Variants in LDB2 observed in about 807,000 individuals in gnomAD.
LDB2 encodes the protein LIM domain binding 2.
LDB2 carries 12 observed loss-of-function variants against 44.3 expected under a neutral mutation model. The observed-to-expected ratio is 0.27, with a 90% confidence interval of 0.17 to 0.44. LDB2 has a LOEUF of 0.44. Among genes scored for constraint, LDB2 ranks in the 20% least tolerant of loss-of-function variants. LDB2 has a pLI of 1.00. For synonymous variants in LDB2, 164 were observed against 174.8 expected (o/e 0.94, Z 0.49); for missense variants, 344 against 473.5 (o/e 0.73, Z 2.54).
At chr4:16,659,679 A>AGCG (rs1740974573) in intron 2 of LDB2, among the ~76,000 whole-genome samples, 1 of 146,716 alleles carries the variant, frequency 6.8e-6, no homozygotes, top group Admixed American at 6.7e-5. Context: ...GTGTATATAT[A>AGCG]TATATATATA....
chr4:16,603,259 C>T (rs146591141), intron 2 of LDB2, among the ~76,000 whole-genome samples: 2,208 of 152,280 alleles, frequency 0.014, 30 homozygotes, highest in South Asian at 0.046. Context: ...CCTTTAATGA[C>T]TTCCATAATA....
At chr4:16,754,248 G>A (rs1190891174) in intron 2 of LDB2, among the ~76,000 whole-genome samples, 1 of 152,154 alleles carries the variant, frequency 6.6e-6, no homozygotes, top group Non-Finnish European at 1.5e-5. Context: ...GTTGGGAGCA[G>A]AGCCTAATCT....
At chr4:16,745,691 G>C (rs1254869839) in intron 2 of LDB2, among the ~76,000 whole-genome samples, 1 of 152,132 alleles carries the variant, frequency 6.6e-6, no homozygotes, top group Non-Finnish European at 1.5e-5. Flanking sequence ...ATGTCGAAGG[G>C]ATTTCAGCAA....
chr4:16,871,523 GA>G (rs1167516294), intron 1 of LDB2, among the ~76,000 whole-genome samples: 8 of 152,112 alleles, frequency 5.3e-5, no homozygotes, highest in African/African-American at 1.7e-4. Context: ...ACTGATGAAT[GA>G]ATGAAGTTCA....
At chr4:16,739,073 C>G (rs1217910844) in intron 2 of LDB2, among the ~76,000 whole-genome samples, 1 of 152,020 alleles carries the variant, frequency 6.6e-6, no homozygotes, top group Non-Finnish European at 1.5e-5. Flanking sequence ...CCAATTCTTC[C>G]AGATGAAACT....
rs79303390 is a variant in LDB2, at chr4:16,675,996, T to C, written c.236-80121A>G. 2.9e-3 allele frequency among the ~76,000 whole-genome samples: 448 copies of C among 152,324 alleles called. 5 individuals carry two copies. The highest frequency in any genetic ancestry group is 0.01 in the African/African-American group (431 of 41,564). On this transcript the variant is annotated intron_variant, in intron 2 of 7. Coordinates refer to ENST00000304523, the MANE Select transcript of LDB2 (RefSeq NM_001290.5). Reference sequence around the variant, plus strand: ...TATTTGGCATATTGGTAGGTGCCCTTTAAGCTTTTATAAGTAATAATAACA... The same window carrying C: ...TATTTGGCATATTGGTAGGTGCCCTCTAAGCTTTTATAAGTAATAATAACA...
chr4:16,672,885 C>T (rs896913608), intron 2 of LDB2, among the ~76,000 whole-genome samples: 2 of 146,344 alleles, frequency 1.4e-5, no homozygotes, highest in Non-Finnish European at 3.0e-5. Flanking sequence ...TCCTTCCTTC[C>T]TTTTTTTTCC....
chr4:16,782,165 T>C (rs1205050880), intron 1 of LDB2, among the ~76,000 whole-genome samples: 1 of 152,156 alleles, frequency 6.6e-6, no homozygotes, highest in Non-Finnish European at 1.5e-5. Flanking sequence ...AAGCGCTGGC[T>C]AAGCCTTCGT....
At chr4:16,826,918 G>A (rs769594343) in intron 1 of LDB2, among the ~76,000 whole-genome samples, 4 of 152,174 alleles carry the variant, frequency 2.6e-5, no homozygotes, top group East Asian at 1.9e-4. Flanking sequence ...ACAACTCGGC[G>A]GGTAATTTGA....
At chr4:16,626,815 G>C (rs1001349959) in intron 2 of LDB2, 4 of 152,116 alleles carry the variant, frequency 2.6e-5, no homozygotes, top group African/African-American at 4.8e-5. Context: ...AGGTAGTCTT[G>C]TTTGTGACAT....
At chr4:16,660,394 G>C (rs969380433) in intron 2 of LDB2, among the ~76,000 whole-genome samples, 1 of 152,124 alleles carries the variant, frequency 6.6e-6, no homozygotes, top group African/African-American at 2.4e-5. Flanking sequence ...AGAGGATGGT[G>C]ATACCTGCTC....
At chr4:16,531,879 A>G (rs114597010) in intron 5 of LDB2, among the ~76,000 whole-genome samples, 1,778 of 152,330 alleles carry the variant, frequency 0.012, 13 homozygotes, top group Non-Finnish European at 0.019. Flanking sequence ...GTAAGGAAAT[A>G]TGCCCACCCA....
At chr4:16,508,746 C>G (rs1380959049) in intron 6 of LDB2, 60 bp from the exon 7 acceptor site, 3 of 1,537,706 alleles carry the variant, frequency 2.0e-6, no homozygotes, top group Non-Finnish European at 2.7e-6. Flanking sequence ...AGGCAATCAT[C>G]AGTATGGTTA....
At chr4:16,642,776 T>C (rs887689757) in intron 2 of LDB2, among the ~76,000 whole-genome samples, 3 of 152,174 alleles carry the variant, frequency 2.0e-5, no homozygotes, top group African/African-American at 2.4e-5. Context: ...ACATTATCTC[T>C]GCCTGCTTGA....
At chr4:16,829,040 A>G (rs1380117695) in intron 1 of LDB2, among the ~76,000 whole-genome samples, 1 of 152,164 alleles carries the variant, frequency 6.6e-6, no homozygotes, top group Non-Finnish European at 1.5e-5. Context: ...CTCAGGTGAG[A>G]GCACTTACAT....
At chr4:16,587,018 T>A (rs1024199171) in intron 4 of LDB2, among the ~76,000 whole-genome samples, 2 of 152,230 alleles carry the variant, frequency 1.3e-5, no homozygotes, top group Non-Finnish European at 2.9e-5. Context: ...AGCATGTCAG[T>A]TTCATGTCAA....
At position 16,655,961 on chromosome 4, in the gene LDB2, G is replaced by A. The variant is rs185022700; in HGVS notation, c.236-60086C>T. Reference sequence around the variant, plus strand: ...GTCGCCCAGGCCGGAGTGCGGTGGCGCAATCTCAGCTCACTGCAAGCTCCA... The same window carrying A: ...GTCGCCCAGGCCGGAGTGCGGTGGCACAATCTCAGCTCACTGCAAGCTCCA... On this transcript the variant is annotated intron_variant, in intron 2 of 7. Coordinates refer to ENST00000304523, the MANE Select transcript of LDB2 (RefSeq NM_001290.5). 3.9e-3 allele frequency among the ~76,000 whole-genome samples: 562 copies of A among 142,778 alleles called. 5 individuals are homozygous for A. Among genetic ancestry groups the A allele is most frequent in the African/African-American group, 0.014 (526 of 38,294 alleles). 93.7% of individuals were successfully genotyped at this position (142,778 alleles called of 152,430 possible).
Position 16,756,753 on chromosome 4 carries a change from T to G in LDB2, c.235+2405A>C, listed in dbSNP as rs557227075. The stretch of plus-strand genomic sequence containing the variant: ...CATCCACATGGAAATAACATTCTAA[T>G]AAGGAATGACATACAATAAATAAAT... On this transcript the variant is annotated intron_variant, in intron 2 of 7. Transcript: ENST00000304523. Among the ~76,000 whole-genome samples, 15 of 152,204 alleles carry G rather than the reference T, an allele frequency of 9.9e-5. No individual in the cohort carries two copies. In the South Asian group the frequency reaches 2.1e-3, roughly 21 times the overall value.
At chr4:16,706,660 TAGAAAC>T (rs1371829760) in intron 2 of LDB2, among the ~76,000 whole-genome samples, 3 of 152,178 alleles carry the variant, frequency 2.0e-5, no homozygotes, top group Non-Finnish European at 4.4e-5. Flanking sequence ...TTTGCATTGA[TAGAAAC>T]AGAGTTCTTC....
Sources: gnomAD v4.1 joint callset for allele counts (sites outside exome capture counted in the v4.1 genomes callset) on GRCh38, gnomAD v4.1.1 for gene constraint, MANE v1.5 for transcripts, NCBI Gene and HGNC (gene_info 2026-07-23, HGNC 2026-07-21) for gene names.